The following RANBP17 variants were observed in gnomAD, a reference collection of about 807,000 sequenced individuals.
RANBP17 encodes ran-binding protein 17.
RANBP17 carries 158 observed loss-of-function variants against 141.2 expected under a neutral mutation model. That is an observed-to-expected ratio of 1.12 (90% CI 0.98 to 1.28). RANBP17 has a LOEUF of 1.28. Ranked by LOEUF, RANBP17 falls within the 50% of genes most tolerant of loss-of-function variation. The probability of loss-of-function intolerance (pLI) is 0.00; values close to 1 mark genes in which losing one functional copy is unlikely to be tolerated. For missense variants in RANBP17, 1,438 were observed against 1,290.7 expected, an observed-to-expected ratio of 1.11 and a Z score of -1.75; for synonymous variants, 430 against 450.0, an observed-to-expected ratio of 0.96 and a Z score of 0.56.
At chr5:171,281,619 G>A (rs1767869115) in intron 25 of RANBP17, among the ~76,000 whole-genome samples, 2 of 152,158 alleles carry the variant, frequency 1.3e-5, no homozygotes, top group African/African-American at 4.8e-5. Context: ...AATTCCTTGA[G>A]CAGTGAGTAA....
intron 25 of RANBP17, among the ~76,000 whole-genome samples, chr5:171,274,322 G>A (rs1001796657): frequency 6.6e-6 from 1 of 152,004 alleles, no homozygotes; most frequent in African/African-American, 2.4e-5. Flanking sequence ...CGTTTAGAAA[G>A]TTAATGCTTA....
At chr5:171,153,667 A>G (rs954336413) in intron 14 of RANBP17, among the ~76,000 whole-genome samples, 3 of 152,206 alleles carry the variant, frequency 2.0e-5, no homozygotes, top group African/African-American at 7.2e-5. Flanking sequence ...TAACATACAC[A>G]GGGAAGTAAG....
At chr5:171,124,721 C>A in intron 14 of RANBP17, among the ~76,000 whole-genome samples, 1 of 151,440 alleles carries the variant, frequency 6.6e-6, no homozygotes, top group East Asian at 1.9e-4. Flanking sequence ...CAGATACACG[C>A]AAAAAAGAAG....
At chr5:171,256,680 C>G (rs908740069) in intron 24 of RANBP17, among the ~76,000 whole-genome samples, 2 of 152,114 alleles carry the variant, frequency 1.3e-5, no homozygotes, top group African/African-American at 4.8e-5. Flanking sequence ...ACTAGCTAGA[C>G]TAACCAAGAA....
chr5:171,063,733 G>C (rs917113256), intron 14 of RANBP17, among the ~76,000 whole-genome samples: 3 of 152,196 alleles, frequency 2.0e-5, no homozygotes, highest in Non-Finnish European at 4.4e-5. Flanking sequence ...GGTTACTGCT[G>C]TCTTTTTGTT....
chr5:170,889,978 A>G (rs1342565189), intron 3 of RANBP17, among the ~76,000 whole-genome samples: 3 of 152,188 alleles, frequency 2.0e-5, no homozygotes. Flanking sequence ...TAACAGAAAC[A>G]TATTCTAGTG....
chr5:171,080,273 A>T (rs1174785473), intron 14 of RANBP17, among the ~76,000 whole-genome samples: 1 of 141,604 alleles, frequency 7.1e-6, no homozygotes, highest in Admixed American at 7.2e-5. Flanking sequence ...ACACACACAC[A>T]CACGGCTTGA....
intron 14 of RANBP17, among the ~76,000 whole-genome samples, chr5:171,125,352 C>A (rs974442386): frequency 1.7e-5 from 2 of 118,058 alleles, no homozygotes; most frequent in African/African-American, 3.1e-5. Context: ...TCCACACACA[C>A]AGTAACCAAA....
At chr5:171,018,357 A>G (rs1297462599) in intron 14 of RANBP17, among the ~76,000 whole-genome samples, 1 of 152,046 alleles carries the variant, frequency 6.6e-6, no homozygotes, top group Non-Finnish European at 1.5e-5. Context: ...CAGTATGGCC[A>G]TTTTCACAAT....
intron 25 of RANBP17, among the ~76,000 whole-genome samples, chr5:171,291,312 C>T (rs1413433985): frequency 1.3e-5 from 2 of 152,118 alleles, no homozygotes; most frequent in Non-Finnish European, 2.9e-5. Flanking sequence ...GACATAGGCC[C>T]TAGAAAATGT....
intron 14 of RANBP17, among the ~76,000 whole-genome samples, chr5:171,026,616 A>C (rs1045520478): frequency 1.3e-5 from 2 of 152,208 alleles, no homozygotes; most frequent in African/African-American, 4.8e-5. Flanking sequence ...TGTTTCTTAG[A>C]TTACCAAACA....
At chr5:170,938,825 G>C (rs2127471318) in intron 12 of RANBP17, among the ~76,000 whole-genome samples, 1 of 152,238 alleles carries the variant, frequency 6.6e-6, no homozygotes, top group Middle Eastern at 3.4e-3. Flanking sequence ...ATGAGGTCAG[G>C]TATGTCAAAA....
chr5:171,046,060 T>A, intron 14 of RANBP17, among the ~76,000 whole-genome samples: 1 of 152,198 alleles, frequency 6.6e-6, no homozygotes. Context: ...TCTGTCTCCT[T>A]CTTCCCAAAT....
intron 14 of RANBP17, among the ~76,000 whole-genome samples, chr5:171,130,915 T>A (rs565425043): frequency 1.1e-4 from 16 of 152,340 alleles, no homozygotes; most frequent in African/African-American, 3.8e-4. Flanking sequence ...ATTTTATTTA[T>A]AATAAAACTA....
chr5:171,064,477 C>G (rs1484173759), intron 14 of RANBP17, among the ~76,000 whole-genome samples: 1 of 152,026 alleles, frequency 6.6e-6, no homozygotes, highest in African/African-American at 2.4e-5. Flanking sequence ...GTTGTTTATT[C>G]AAATCTTTGC....
chr5:170,924,266 A>G, intron 11 of RANBP17, 91 bp from the exon 12 acceptor site: 2 of 849,862 alleles, frequency 2.4e-6, no homozygotes, highest in Non-Finnish European at 1.7e-6. Context: ...TTCCTTTATT[A>G]TAGAATTTTT....
intron 21 of RANBP17, 108 bp downstream of exon 21, chr5:171,213,846 C>T (rs1369052334): frequency 3.6e-6 from 3 of 823,058 alleles, no homozygotes; most frequent in Non-Finnish European, 6.3e-6. Flanking sequence ...TTAGCAAGAG[C>T]CCAGGAACCA....
intron 16 of RANBP17, among the ~76,000 whole-genome samples, chr5:171,177,152 T>C (rs1325882098): frequency 6.6e-6 from 1 of 152,174 alleles, no homozygotes; most frequent in African/African-American, 2.4e-5. Context: ...AAATGTTGAT[T>C]TATTTCATTG....
At chr5:171,204,559 C>T (rs1762466459) in intron 19 of RANBP17, among the ~76,000 whole-genome samples, 1 of 152,142 alleles carries the variant, frequency 6.6e-6, no homozygotes, top group Non-Finnish European at 1.5e-5. Context: ...TTAGAAGTCA[C>T]AGTTGTATAT....
Sources: gnomAD v4.1 joint callset for allele counts (sites outside exome capture counted in the v4.1 genomes callset) on GRCh38, gnomAD v4.1.1 for gene constraint, MANE v1.5 for transcripts, NCBI Gene and HGNC (gene_info 2026-07-23, HGNC 2026-07-21) for gene names.